Variants in CTNNA3 observed in about 807,000 individuals in gnomAD.
CTNNA3 encodes the protein catenin alpha 3.
A neutral mutation model predicts 95.7 loss-of-function variants in CTNNA3; 76 were observed. The observed-to-expected ratio is 0.79, with a 90% CI of 0.66 to 0.96. CTNNA3 has a LOEUF of 0.96. Among genes scored for constraint, CTNNA3 ranks in the 40% least tolerant of loss-of-function variants. CTNNA3 has a pLI of 0.00. For missense variants in CTNNA3, 1,191 were observed against 1,089.8 expected, an observed-to-expected ratio of 1.09 and a Z score of -1.31; for synonymous variants, 431 against 374.4, an observed-to-expected ratio of 1.15 and a Z score of -1.74.
intron 5 of CTNNA3, among the ~76,000 whole-genome samples, chr10:67,501,148 AG>A (rs1839218909): frequency 6.6e-6 from 1 of 152,168 alleles, no homozygotes; most frequent in Non-Finnish European, 1.5e-5. Context: ...AGCTCTTGTA[AG>A]GCAGGCCTGG....
At chr10:66,606,182 T>C (rs1021837204) in intron 10 of CTNNA3, among the ~76,000 whole-genome samples, 5 of 152,092 alleles carry the variant, frequency 3.3e-5, no homozygotes, top group African/African-American at 9.7e-5. Flanking sequence ...AAGAAGGACA[T>C]TATATAACAG....
Position 65,944,903 on chromosome 10 carries a change from CT to C in CTNNA3, c.2400+21708del, listed in dbSNP as rs1263943014. 1.5e-4 allele frequency among the ~76,000 whole-genome samples: 22 copies of C among 146,236 alleles called. No homozygotes were observed. The East Asian group carries it at 1.6e-3, about 11-fold the overall frequency. On this transcript the variant is annotated intron_variant, in intron 17 of 17. Coordinates refer to ENST00000433211, the MANE Select transcript of CTNNA3 (RefSeq NM_013266.4). ...ATCTATCTATCTATCTATCTATCAT[CT>C]ATCTATCATCTATTTATCATCTATC...
At chr10:67,174,013 A>G (rs1433260392) in intron 7 of CTNNA3, among the ~76,000 whole-genome samples, 3 of 152,280 alleles carry the variant, frequency 2.0e-5, no homozygotes, top group Admixed American at 1.3e-4. Context: ...TCACCTCTGT[A>G]TTGCTCTCTG....
intron 11 of CTNNA3, among the ~76,000 whole-genome samples, chr10:66,387,063 A>C (rs933462391): frequency 6.6e-6 from 1 of 152,182 alleles, no homozygotes; most frequent in Non-Finnish European, 1.5e-5. Context: ...AAAACACCAA[A>C]CACAATGGCA....
At chr10:67,580,331 G>A (rs1003202582) in intron 3 of CTNNA3, among the ~76,000 whole-genome samples, 1 of 152,028 alleles carries the variant, frequency 6.6e-6, no homozygotes, top group African/African-American at 2.4e-5. Flanking sequence ...CTCCTTTCTT[G>A]TTTTTGTCAG....
intron 9 of CTNNA3, among the ~76,000 whole-genome samples, chr10:66,703,719 C>T (rs1055783853): frequency 1.3e-5 from 2 of 152,182 alleles, no homozygotes; most frequent in Non-Finnish European, 2.9e-5. Context: ...TGCATTAGCA[C>T]ATGCCAGCAC....
At chr10:65,956,304 G>C (rs553602912) in intron 17 of CTNNA3, among the ~76,000 whole-genome samples, 1 of 151,852 alleles carries the variant, frequency 6.6e-6, no homozygotes, top group Non-Finnish European at 1.5e-5. Flanking sequence ...TCTTTCTAGC[G>C]GTCTATCAAT....
intron 5 of CTNNA3, among the ~76,000 whole-genome samples, chr10:67,435,559 C>A (rs1846274062): frequency 6.6e-6 from 1 of 151,930 alleles, no homozygotes; most frequent in African/African-American, 2.4e-5. Context: ...ACAATATGAT[C>A]GTTTACCTTG....
chr10:66,139,161 C>T (rs1273589776), intron 13 of CTNNA3, among the ~76,000 whole-genome samples: 2 of 152,242 alleles, frequency 1.3e-5, no homozygotes, highest in East Asian at 1.9e-4. Context: ...TATGGCTGCA[C>T]GCTTAGGGAT....
chr10:66,429,087 A>T (rs1302560762), intron 11 of CTNNA3, among the ~76,000 whole-genome samples: 1 of 152,192 alleles, frequency 6.6e-6, no homozygotes, highest in Non-Finnish European at 1.5e-5. Context: ...CACCGATCCC[A>T]CAGAAATACA....
At chr10:66,494,560 T>C (rs1338437148) in intron 11 of CTNNA3, among the ~76,000 whole-genome samples, 6 of 152,178 alleles carry the variant, frequency 3.9e-5, no homozygotes, top group East Asian at 3.9e-4. Context: ...CATTGGGTAA[T>C]AGGCCACCCA....
intron 7 of CTNNA3, among the ~76,000 whole-genome samples, chr10:66,978,541 A>ATAAAATAAAAAT (rs1437563245): frequency 1.3e-4 from 15 of 111,166 alleles, no homozygotes; most frequent in South Asian, 3.2e-4. Context: ...AAAAAAAAAA[A>ATAAAATAAAAAT]AAAAAAAAAA....
At chr10:66,331,702 T>C (rs2092332979) in intron 12 of CTNNA3, among the ~76,000 whole-genome samples, 2 of 152,200 alleles carry the variant, frequency 1.3e-5, no homozygotes, top group South Asian at 4.2e-4. Flanking sequence ...TTGGTTACTG[T>C]AGCCTTGTAG....
intron 9 of CTNNA3, among the ~76,000 whole-genome samples, chr10:66,712,861 T>C (rs1372869823): frequency 6.6e-6 from 1 of 152,170 alleles, no homozygotes; most frequent in Non-Finnish European, 1.5e-5. Context: ...CTTTATAATG[T>C]GTCTACATGA....
intron 5 of CTNNA3, among the ~76,000 whole-genome samples, chr10:67,317,185 GT>G (rs1443401509): frequency 1.3e-5 from 2 of 150,968 alleles, no homozygotes; most frequent in East Asian, 2.0e-4. Context: ...TTTTCTTTTT[GT>G]TTTTTTCTTT....
At chr10:66,871,562 C>CAAA (rs34018938) in intron 7 of CTNNA3, among the ~76,000 whole-genome samples, 1 of 96,460 alleles carries the variant, frequency 1.0e-5, no homozygotes, top group Non-Finnish European at 2.0e-5. Flanking sequence ...AACTCTGTCT[C>CAAA]AAAAAAAAAA....
At chr10:67,444,728 C>A (rs562581548) in intron 5 of CTNNA3, among the ~76,000 whole-genome samples, 8 of 151,888 alleles carry the variant, frequency 5.3e-5, no homozygotes, top group African/African-American at 1.4e-4. Flanking sequence ...ACAACTGATA[C>A]CACAGAAATT....
intron 9 of CTNNA3, among the ~76,000 whole-genome samples, chr10:66,661,735 A>T (rs1846271421): frequency 6.6e-6 from 1 of 152,174 alleles, no homozygotes; most frequent in Admixed American, 6.5e-5. Flanking sequence ...TATTAGCCTG[A>T]AGGTTGTTGA....
intron 3 of CTNNA3, among the ~76,000 whole-genome samples, chr10:67,569,671 T>C (rs1841921217): frequency 6.6e-6 from 1 of 152,142 alleles, no homozygotes; most frequent in Non-Finnish European, 1.5e-5. Flanking sequence ...TCACAGAAGA[T>C]GGGTCTGAAA....
Sources: allele counts gnomAD v4.1 joint callset (sites outside exome capture counted in the v4.1 genomes callset), GRCh38; gene constraint gnomAD v4.1.1; transcripts MANE v1.5; gene names NCBI Gene and HGNC (gene_info 2026-07-23, HGNC 2026-07-21).